The following PACRG variants were observed in gnomAD, a reference collection of about 807,000 sequenced individuals.
PACRG encodes the protein parkin coregulated.
In PACRG, 29 loss-of-function variants were observed where a neutral mutation model predicts 29.7. The ratio of observed to expected loss-of-function variants is 0.98; its 90% CI spans 0.73 to 1.33. The LOEUF is 1.33. PACRG is among the 40% of genes most tolerant of loss of function. The pLI, the probability that PACRG is intolerant of heterozygous loss-of-function variation, is 0.00. For missense variants in PACRG, 279 were observed against 316.2 expected (o/e 0.88, Z 0.89); for synonymous variants, 116 against 118.7 (o/e 0.98, Z 0.15).
chr6:162,850,126 A>C (rs1486659011), intron 2 of PACRG, among the ~76,000 whole-genome samples: 1 of 152,238 alleles, frequency 6.6e-6, no homozygotes, highest in African/African-American at 2.4e-5. Flanking sequence ...TACAGATAAT[A>C]TCTTTAATCA....
intron 2 of PACRG, among the ~76,000 whole-genome samples, chr6:162,988,128 G>A (rs1803066847): frequency 6.6e-6 from 1 of 152,168 alleles, no homozygotes; most frequent in Admixed American, 6.5e-5. Context: ...GGTTCTTGGA[G>A]CAAAAGTCCA....
chr6:163,101,268 T>C (rs776496600), intron 4 of PACRG: 17 of 982,298 alleles, frequency 1.7e-5, no homozygotes, highest in Non-Finnish European at 1.9e-5. Flanking sequence ...AAGATGTAAT[T>C]GGGCCATAAT....
chr6:162,958,897 AG>A (rs1800360607), intron 2 of PACRG, among the ~76,000 whole-genome samples: 1 of 31,322 alleles, frequency 3.2e-5, no homozygotes, highest in Admixed American at 3.3e-4. Flanking sequence ...AGAGAGAGAG[AG>A]AGAGAGAGAG....
rs371671231 is a variant in PACRG at position 162,775,043 on chromosome 6, C to T, written c.157-39104C>T. On this transcript the variant is annotated intron_variant, in intron 1 of 4. Transcript: ENST00000366888. ...CCCAAGGCAATGATATTAAAAGGTG[C>T]GGCCTTGGAGAGGTGATGAGGTCAT... Among the ~76,000 whole-genome samples the T allele has an allele frequency of 3.9e-5, 6 of 152,222 alleles. No individual in the cohort carries two copies. The South Asian group carries it at 1.0e-3, about 26-fold the overall frequency.
At position 163,102,104 on chromosome 6, in the gene PACRG, G is replaced by A. The variant is rs116380068; in HGVS notation, c.613+12696G>A. 1.5e-3 allele frequency among the ~76,000 whole-genome samples: 229 copies of A among 152,276 alleles called. 1 individual carries two copies. Among genetic ancestry groups the A allele is most frequent in the African/African-American group, 5.3e-3 (219 of 41,560 alleles). Reference sequence around the variant, plus strand: ...CAATGTGTACAGCCACGGAAGGCCTGAGGGGTGAAGGAGGTTTTCACTACC... The same window carrying A: ...CAATGTGTACAGCCACGGAAGGCCTAAGGGGTGAAGGAGGTTTTCACTACC... On this transcript the variant is annotated intron_variant, in intron 4 of 4. Transcript: ENST00000366888.
chr6:163,202,587 G>T (rs9458749), intron 4 of PACRG, among the ~76,000 whole-genome samples: 6,105 of 152,202 alleles, frequency 0.04, 234 homozygotes, highest in East Asian at 0.093. Context: ...AGGATTCTCT[G>T]TTCTCAGAGT....
intron 2 of PACRG, among the ~76,000 whole-genome samples, chr6:162,984,651 C>T (rs1018629358): frequency 6.6e-6 from 1 of 151,846 alleles, no homozygotes; most frequent in Non-Finnish European, 1.5e-5. Flanking sequence ...TAATGTGTTC[C>T]CTTTTCACCA....
intron 4 of PACRG, among the ~76,000 whole-genome samples, chr6:163,237,741 C>A (rs114516658): frequency 1.3e-5 from 2 of 152,122 alleles, no homozygotes; most frequent in African/African-American, 2.4e-5. Flanking sequence ...AACCTATTTT[C>A]TCTTGAAAAC....
At chr6:163,286,799 T>C (rs1352898802) in intron 4 of PACRG, among the ~76,000 whole-genome samples, 1 of 152,204 alleles carries the variant, frequency 6.6e-6, no homozygotes, top group East Asian at 1.9e-4. Flanking sequence ...GTATATGTGG[T>C]ATGTAAGTGT....
At chr6:162,962,713 A>C (rs754689969) in intron 2 of PACRG, among the ~76,000 whole-genome samples, 4 of 152,192 alleles carry the variant, frequency 2.6e-5, no homozygotes, top group Admixed American at 6.5e-5. Context: ...CAGAACTGTA[A>C]GAAATAAATG....
chr6:162,729,323 A>T (rs937561163), intron 1 of PACRG, among the ~76,000 whole-genome samples: 2 of 152,186 alleles, frequency 1.3e-5, no homozygotes, highest in Admixed American at 1.3e-4. Flanking sequence ...ATTATGTTAA[A>T]TGAATAGTGT....
rs533652895 is a variant in PACRG at position 162,802,805 on chromosome 6, T to C, written c.157-11342T>C. Among the ~76,000 whole-genome samples the C allele has an allele frequency of 9.2e-4, 140 of 152,294 alleles. 6 individuals are homozygous for C. In the South Asian group the frequency reaches 0.028, roughly 31 times the overall value. ...AAAAACAAAAACAAAAAAAATGGTCTCTCTCACTTGTTGAATTTTATGGTA... is the reference window on the plus strand; with the variant it reads ...AAAAACAAAAACAAAAAAAATGGTCCCTCTCACTTGTTGAATTTTATGGTA... On this transcript the variant is annotated intron_variant, in intron 1 of 4. Coordinates refer to ENST00000366888, the MANE Select transcript of PACRG (RefSeq NM_001080379.2).
intron 2 of PACRG, among the ~76,000 whole-genome samples, chr6:162,878,385 G>C (rs1283915962): frequency 6.6e-6 from 1 of 152,120 alleles, no homozygotes; most frequent in Non-Finnish European, 1.5e-5. Flanking sequence ...TCTTGATAAT[G>C]AATTCTTTTT....
chr6:162,884,802 T>A (rs1584653233), intron 2 of PACRG, among the ~76,000 whole-genome samples: 2 of 152,268 alleles, frequency 1.3e-5, no homozygotes, highest in South Asian at 4.1e-4. Context: ...TCCCCAATGA[T>A]AAACCTAAAA....
At chr6:162,750,456 A>G (rs1342340413) in intron 1 of PACRG, among the ~76,000 whole-genome samples, 1 of 152,222 alleles carries the variant, frequency 6.6e-6, no homozygotes, top group Non-Finnish European at 1.5e-5. Flanking sequence ...AAATCAACAG[A>G]TTATTTCTAA....
intron 1 of PACRG, among the ~76,000 whole-genome samples, chr6:162,774,925 G>A (rs1783523527): frequency 6.6e-6 from 1 of 152,124 alleles, no homozygotes; most frequent in Non-Finnish European, 1.5e-5. Flanking sequence ...TGTTTTGCTG[G>A]TAGTCAGTGA....
intron 3 of PACRG, among the ~76,000 whole-genome samples, chr6:163,063,230 C>G (rs913740225): frequency 1.3e-5 from 2 of 152,132 alleles, no homozygotes; most frequent in African/African-American, 4.8e-5. Flanking sequence ...GAGGGAGACC[C>G]TACCTTTTTC....
intron 4 of PACRG, among the ~76,000 whole-genome samples, chr6:163,172,455 C>T (rs746427884): frequency 5.3e-5 from 8 of 152,168 alleles, no homozygotes; most frequent in Non-Finnish European, 1.2e-4. Context: ...TGATTCAGGC[C>T]GTGGAATAAT....
chr6:162,806,333 C>T (rs929957126), intron 1 of PACRG, among the ~76,000 whole-genome samples: 3 of 151,642 alleles, frequency 2.0e-5, no homozygotes, highest in Non-Finnish European at 4.4e-5. Context: ...GTCTTGAACT[C>T]CTGACCTCAG....
Sources: allele counts gnomAD v4.1 joint callset (sites outside exome capture counted in the v4.1 genomes callset), GRCh38; gene constraint gnomAD v4.1.1; transcripts MANE v1.5; gene names NCBI Gene and HGNC (gene_info 2026-07-23, HGNC 2026-07-21).